The following ZNF564 variants were observed in gnomAD, a reference collection of about 807,000 sequenced individuals.
ZNF564 encodes zinc finger protein 564.
In ZNF564, 5 loss-of-function variants were observed where a neutral mutation model predicts 10.5. The ratio of observed to expected loss-of-function variants is 0.48; its 90% CI spans 0.25 to 1.00. ZNF564 has a LOEUF of 1.00. ZNF564 is among the 50% of genes least tolerant of loss of function. ZNF564 has a pLI of 0.16. For synonymous variants in ZNF564, 242 were observed against 218.1 expected, an observed-to-expected ratio of 1.11 and a Z score of -0.97; for missense variants, 603 against 669.7, an observed-to-expected ratio of 0.90 and a Z score of 1.10.
chr19:12,544,845 T>C (rs559364474), intron 1 of ZNF564, among the ~76,000 whole-genome samples: 6 of 152,302 alleles, frequency 3.9e-5, no homozygotes, highest in African/African-American at 1.4e-4. Context: ...AGAACTATCC[T>C]TTCTCTCTGG....
At chr19:12,532,937 T>C (rs1354600555) in intron 1 of ZNF564, 1 of 152,008 alleles carries the variant, frequency 6.6e-6, no homozygotes, top group African/African-American at 2.4e-5. Flanking sequence ...GCAGCACCCC[T>C]CCAGCAGTAA....
chr19:12,530,215 T>G (rs1352901333), intron 1 of ZNF564: 4 of 152,168 alleles, frequency 2.6e-5, no homozygotes, highest in Non-Finnish European at 5.9e-5. Flanking sequence ...ACAGATCAAG[T>G]TGGTTGAAAG....
rs756592760 is a variant in ZNF564, at chr19:12,527,059, C to T, written c.1049G>A (p.Ser350Asn). ...NKCGKTFSSS[S>N]NVRTHERTHT... ...AGTCCTTTCATGTGTTCGAACATTACTGGAAGAACTGAAGGTTTTACCACA... is the reference window on the plus strand; with the variant it reads ...AGTCCTTTCATGTGTTCGAACATTATTGGAAGAACTGAAGGTTTTACCACA... Residue 350 changes from serine (S) to asparagine (N), a missense_variant, in exon 4 of 4, where the codon AGT (serine) becomes AAT (asparagine). By Grantham distance (46) the Ser-to-Asn change is conservative. Coordinates refer to ENST00000339282, the MANE Select transcript of ZNF564 (RefSeq NM_144976.4). 6.2e-7 allele frequency: 1 copy of T among 1,614,022 alleles called. No individual in the cohort carries two copies. Among genetic ancestry groups the T allele is most frequent in the Non-Finnish European group, 8.5e-7 (1 of 1,180,004 alleles).
Position 12,548,369 on chromosome 19 carries a change from G to A in ZNF564, c.3+2961C>T, listed in dbSNP as rs969454973. 5.9e-5 allele frequency among the ~76,000 whole-genome samples: 9 copies of A among 151,668 alleles called. No homozygotes were observed. The South Asian group carries it at 6.2e-4, about 11-fold the overall frequency. On this transcript the variant is annotated intron_variant, in intron 1 of 3. Transcript: ENST00000339282. The stretch of plus-strand genomic sequence containing the variant: ...GCAGCTGGGACTACAGGCACACACC[G>A]CCACACCCGGCTAATTTTTGTATTT...
chr19:12,533,269 T>A (rs1472463374), intron 1 of ZNF564, among the ~76,000 whole-genome samples: 3 of 152,066 alleles, frequency 2.0e-5, no homozygotes, highest in Non-Finnish European at 4.4e-5. Context: ...AGCACATGGA[T>A]CAAAGAAGTC....
At chr19:12,549,755 C>T (rs2022217585) in intron 1 of ZNF564, among the ~76,000 whole-genome samples, 1 of 152,138 alleles carries the variant, frequency 6.6e-6, no homozygotes, top group African/African-American at 2.4e-5. Flanking sequence ...TGAGAGGCCC[C>T]ACCCCTACAC....
At chr19:12,531,939 A>G (rs1357140439) in intron 1 of ZNF564, among the ~76,000 whole-genome samples, 2 of 152,230 alleles carry the variant, frequency 1.3e-5, no homozygotes, top group Admixed American at 1.3e-4. Flanking sequence ...CTTTAAATAC[A>G]AAGACACACA....
rs560692197 is a variant in ZNF564 at position 12,540,601 on chromosome 19, TC to T, written c.3+10728del. 6.6e-5 allele frequency among the ~76,000 whole-genome samples: 10 copies of T among 152,244 alleles called. No individual in the cohort carries two copies. The South Asian group carries it at 2.1e-3, about 32-fold the overall frequency. ...TGGGTGTGGTAGCTCATGCCTGTAA[TC>T]CCAGCACTTTGGGAGGCCAAGGCGG... On this transcript the variant is annotated intron_variant, in intron 1 of 3. Transcript: ENST00000339282.
At chr19:12,545,883 G>C (rs1187326830) in intron 1 of ZNF564, among the ~76,000 whole-genome samples, 1 of 152,122 alleles carries the variant, frequency 6.6e-6, no homozygotes, top group Non-Finnish European at 1.5e-5. Flanking sequence ...TCCTGGGGTA[G>C]GGAATGGAGC....
chr19:12,528,578 G>T lies in ZNF564; in HGVS notation c.122C>A (p.Ala41Asp). 1 of 1,613,256 alleles carries T rather than the reference G, an allele frequency of 6.2e-7. No individual in the cohort carries two copies. Among genetic ancestry groups the T allele is most frequent in the Non-Finnish European group, 8.5e-7 (1 of 1,179,804 alleles). ...AATGATGTCATCCTTACCTACACAGGCCAGGTTTCTAAAGGTTTCCCGCAT... is the reference window on the plus strand; with the variant it reads ...AATGATGTCATCCTTACCTACACAGTCCAGGTTTCTAAAGGTTTCCCGCAT... ...DVMRETFRNL[A>D]CVGKKWEDQS... The change falls in exon 2 of 4, where the codon GCC becomes GAC. Residue 41 changes from alanine to aspartate, a missense_variant. Ala to Asp is a moderately radical substitution (Grantham distance 126). Transcript: ENST00000339282.
At chr19:12,548,974 ATTCT>A in intron 1 of ZNF564, 1 of 676,330 alleles carries the variant, frequency 1.5e-6, no homozygotes, top group Non-Finnish European at 2.7e-6. Flanking sequence ...CTTATCTGAG[ATTCT>A]TATCCGCAGT....
rs147869144 is a variant in ZNF564, at chr19:12,537,409, T to C, written c.4-8713A>G. Among the ~76,000 whole-genome samples the C allele has an allele frequency of 3.2e-3, 485 of 152,274 alleles. 5 individuals are homozygous for C. Among genetic ancestry groups the C allele is most frequent in the African/African-American group, 0.011 (473 of 41,556 alleles). On this transcript the variant is annotated intron_variant, in intron 1 of 3. Coordinates refer to ENST00000339282, the MANE Select transcript of ZNF564 (RefSeq NM_144976.4). The stretch of plus-strand genomic sequence containing the variant: ...AAAATTTATGTTGTATCAGGTATTA[T>C]AAGTGAGCTAAAGATGATTTAAAGT...
intron 1 of ZNF564, among the ~76,000 whole-genome samples, chr19:12,537,193 TTATC>T (rs931271375): frequency 6.6e-6 from 1 of 152,190 alleles, no homozygotes; most frequent in Non-Finnish European, 1.5e-5. Context: ...CACATTTTCT[TTATC>T]TATCATCCAA....
In ZNF564 at chr19:12,528,312, T is replaced by A. The variant is rs2021733589; in HGVS notation, c.183A>T (p.Arg61Ser). ...SIEDWYKNQG[R>S]ILRNHMEEGL... ...TTGTCAGTGCAAATTACCTTAAAAT[T>A]CTCCCCTGATTTTTGTACCAATCTT... The change falls in exon 3 of 4, where the codon AGA (arginine) becomes AGT (serine). Residue 61 changes from arginine (R) to serine (S), a missense_variant. Arg to Ser is a moderately radical substitution (Grantham distance 110, BLOSUM62 -1). Transcript: ENST00000339282. 6.2e-7 allele frequency: 1 copy of A among 1,609,270 alleles called. No individual in the cohort carries two copies. Among genetic ancestry groups the A allele is most frequent in the African/African-American group, 1.3e-5 (1 of 74,662 alleles).
intron 1 of ZNF564, among the ~76,000 whole-genome samples, chr19:12,540,537 T>C (rs1055017919): frequency 6.6e-6 from 1 of 151,776 alleles, no homozygotes; most frequent in Non-Finnish European, 1.5e-5. Context: ...CTGGCCAACA[T>C]GGTGAAACTC....
At chr19:12,538,466 A>G (rs2021961899) in intron 1 of ZNF564, among the ~76,000 whole-genome samples, 1 of 152,042 alleles carries the variant, frequency 6.6e-6, no homozygotes, top group Non-Finnish European at 1.5e-5. Context: ...TCTACTAAAA[A>G]TACAAAAAAA....
intron 1 of ZNF564, among the ~76,000 whole-genome samples, chr19:12,547,454 C>T (rs911004001): frequency 1.3e-5 from 2 of 152,162 alleles, no homozygotes; most frequent in African/African-American, 4.8e-5. Context: ...TCACTTCTTA[C>T]CTAACTCCGG....
At chr19:12,542,644 G>A (rs1171060977) in intron 1 of ZNF564, among the ~76,000 whole-genome samples, 1 of 88,668 alleles carries the variant, frequency 1.1e-5, no homozygotes, top group East Asian at 2.0e-4. Context: ...GAAAGAAAGG[G>A]AAAGGAAGAA....
intron 1 of ZNF564, among the ~76,000 whole-genome samples, chr19:12,543,303 GA>G (rs562777488): frequency 1.2e-3 from 46 of 39,726 alleles, no homozygotes; most frequent in Admixed American, 1.5e-3. Context: ...CTTCGTCTCA[GA>G]AAAAAAAAAA....
Sources: gnomAD v4.1 joint callset for allele counts (sites outside exome capture counted in the v4.1 genomes callset) on GRCh38, gnomAD v4.1.1 for gene constraint, MANE v1.5 for transcripts, NCBI Gene and HGNC (gene_info 2026-07-23, HGNC 2026-07-21) for gene names.